ABHD3: variants seen among roughly 807,000 people sequenced by gnomAD.
The protein encoded by ABHD3 is abhydrolase domain containing 3, phospholipase.
A neutral mutation model predicts 48.8 loss-of-function variants in ABHD3; 46 were observed. That is an observed-to-expected ratio of 0.94 (90% CI 0.74 to 1.20). The LOEUF is 1.20. Among genes scored for constraint, ABHD3 ranks in the 50% most tolerant of loss-of-function variants. ABHD3 has a pLI of 0.00. For synonymous variants in ABHD3, 192 were observed against 183.7 expected, an observed-to-expected ratio of 1.04 and a Z score of -0.36; for missense variants, 490 against 497.8, an observed-to-expected ratio of 0.98 and a Z score of 0.15.
chr18:21,663,838 C>T (rs1230361212), intron 5 of ABHD3: 18 of 1,519,010 alleles, frequency 1.2e-5, no homozygotes, highest in Non-Finnish European at 1.4e-5. Flanking sequence ...ACATGGCAGC[C>T]GGTGAGTGAT....
intron 1 of ABHD3, 126 bp from the exon 2 acceptor site, chr18:21,703,873 T>G (rs1333224881): frequency 2.9e-6 from 3 of 1,033,734 alleles, no homozygotes; most frequent in Non-Finnish European, 4.2e-6. Flanking sequence ...TCTGGAGGGC[T>G]GACGCAAAAA....
intron 4 of ABHD3, among the ~76,000 whole-genome samples, chr18:21,679,227 TG>T (rs1181148012): frequency 2.0e-4 from 30 of 152,336 alleles, no homozygotes; most frequent in African/African-American, 7.2e-4. Flanking sequence ...TCCTCTAGTA[TG>T]AAACAGTAAT....
In ABHD3 at chr18:21,702,386, C is replaced by T; in HGVS notation, c.439G>A (p.Gly147Ser). 6.2e-7 allele frequency: 1 copy of T among 1,613,966 alleles called. No individual in the cohort carries two copies. Among genetic ancestry groups the T allele is most frequent in the Non-Finnish European group, 8.5e-7 (1 of 1,179,894 alleles). Reference protein sequence around the residue: ...STRPTILLLPGLTGTSKESYI... With the variant: ...STRPTILLLPSLTGTSKESYI... Reference sequence around the variant, plus strand: ...GACTCCTTGCTTGTTCCCGTGAGGCCAGGCAACAATAAGATAGTAGGTCTG... The same window carrying T: ...GACTCCTTGCTTGTTCCCGTGAGGCTAGGCAACAATAAGATAGTAGGTCTG... Residue 147 changes from glycine (G) to serine (S), a missense_variant, in exon 3 of 9, where the codon GGC (glycine) becomes AGC (serine). Physicochemically the swap from Gly to Ser is moderately conservative, Grantham distance 56. Transcript: ENST00000289119.
intron 4 of ABHD3, chr18:21,682,959 T>C (rs2040040371): frequency 1.3e-5 from 2 of 152,452 alleles, no homozygotes; most frequent in South Asian, 4.1e-4. Flanking sequence ...CTGCAACTTT[T>C]GCTTTCGAAA....
At chr18:21,653,904 T>C (rs1436425208) in intron 8 of ABHD3, among the ~76,000 whole-genome samples, 1 of 150,508 alleles carries the variant, frequency 6.6e-6, no homozygotes. Context: ...TGCAATGGTG[T>C]GATCTCGGCT....
intron 4 of ABHD3, among the ~76,000 whole-genome samples, chr18:21,676,476 T>C (rs1598534429): frequency 6.6e-6 from 1 of 152,184 alleles, no homozygotes. Context: ...CTGCAACCTC[T>C]GCCTCCTGGG....
chr18:21,672,348 G>A (rs532595377), intron 4 of ABHD3, among the ~76,000 whole-genome samples: 3 of 152,242 alleles, frequency 2.0e-5, no homozygotes, highest in East Asian at 1.9e-4. Flanking sequence ...TGGGGTTACC[G>A]CACTTCCAAT....
chr18:21,688,642 A>G (rs1197876311), intron 3 of ABHD3, among the ~76,000 whole-genome samples: 1 of 152,198 alleles, frequency 6.6e-6, no homozygotes, highest in Non-Finnish European at 1.5e-5. Context: ...ACAAAAAACA[A>G]GACAGTATAG....
intron 3 of ABHD3, among the ~76,000 whole-genome samples, chr18:21,700,002 A>G (rs2040471371): frequency 6.6e-6 from 1 of 151,976 alleles, no homozygotes; most frequent in Non-Finnish European, 1.5e-5. Flanking sequence ...TTTATAAGCA[A>G]TGGACAAAAG....
intron 3 of ABHD3, among the ~76,000 whole-genome samples, chr18:21,692,121 C>T (rs1266262655): frequency 2.0e-4 from 31 of 152,004 alleles, no homozygotes; most frequent in Non-Finnish European, 4.3e-4. Flanking sequence ...GGCTAATTTT[C>T]GTATTTTTAG....
At chr18:21,684,554 C>CTCA (rs993727608) in intron 3 of ABHD3, among the ~76,000 whole-genome samples, 5 of 152,004 alleles carry the variant, frequency 3.3e-5, no homozygotes, top group African/African-American at 1.2e-4. Flanking sequence ...AACTCCTGAC[C>CTCA]TCAGGTGATA....
At chr18:21,675,161 T>C (rs2146306181) in intron 4 of ABHD3, among the ~76,000 whole-genome samples, 1 of 152,018 alleles carries the variant, frequency 6.6e-6, no homozygotes, top group Non-Finnish European at 1.5e-5. Context: ...GACACCAGGC[T>C]GCACAGCCTG....
intron 4 of ABHD3, among the ~76,000 whole-genome samples, chr18:21,674,237 T>C (rs924798717): frequency 1.3e-5 from 2 of 151,288 alleles, no homozygotes; most frequent in East Asian, 1.9e-4. Context: ...TTTCTTTTAT[T>C]TTGAACTTTT....
chr18:21,670,418 A>G (rs1173529458), intron 4 of ABHD3, among the ~76,000 whole-genome samples: 3 of 152,152 alleles, frequency 2.0e-5, no homozygotes, highest in African/African-American at 7.2e-5. Flanking sequence ...ACACTATCAG[A>G]TTAATCTTCC....
chr18:21,677,348 C>T (rs919519232), intron 4 of ABHD3, among the ~76,000 whole-genome samples: 3 of 151,968 alleles, frequency 2.0e-5, no homozygotes, highest in Non-Finnish European at 1.5e-5. Context: ...GTGCCTGCCA[C>T]CACGCCTGGC....
intron 6 of ABHD3, among the ~76,000 whole-genome samples, chr18:21,658,481 C>T (rs1218179953): frequency 6.6e-6 from 1 of 152,176 alleles, no homozygotes; most frequent in Non-Finnish European, 1.5e-5. Context: ...CAGCCCATCA[C>T]ACCACTTAAC....
intron 3 of ABHD3, among the ~76,000 whole-genome samples, chr18:21,696,305 G>A (rs2040369599): frequency 6.6e-6 from 1 of 151,848 alleles, no homozygotes; most frequent in Non-Finnish European, 1.5e-5. Flanking sequence ...CAACACGCCC[G>A]GCTAGTTTTT....
At chr18:21,653,324 T>C (rs1394413666) in intron 8 of ABHD3, among the ~76,000 whole-genome samples, 4 of 151,866 alleles carry the variant, frequency 2.6e-5, no homozygotes, top group Non-Finnish European at 5.9e-5. Context: ...AATTTTTGTA[T>C]TTTTAGTAGA....
chr18:21,697,395 A>G (rs965947627), intron 3 of ABHD3, among the ~76,000 whole-genome samples: 1 of 145,514 alleles, frequency 6.9e-6, no homozygotes, highest in African/African-American at 2.6e-5. Flanking sequence ...TTTTAAAAAA[A>G]CTGAGACAGA....
Sources: gnomAD v4.1 joint callset for allele counts (sites outside exome capture counted in the v4.1 genomes callset) on GRCh38, gnomAD v4.1.1 for gene constraint, MANE v1.5 for transcripts, NCBI Gene and HGNC (gene_info 2026-07-23, HGNC 2026-07-21) for gene names.